The following SEMA4F variants were observed in gnomAD, a reference collection of about 807,000 sequenced individuals.
SEMA4F encodes the protein ssemaphorin 4F.
A neutral mutation model predicts 78.4 loss-of-function variants in SEMA4F; 51 were observed. That is an observed-to-expected ratio of 0.65 (90% CI 0.52 to 0.82). The LOEUF (loss-of-function observed/expected upper bound fraction) is 0.82. Ranked by LOEUF, SEMA4F falls within the 40% of genes least tolerant of loss-of-function variation. The pLI is 0.00. For synonymous variants in SEMA4F, 418 were observed against 408.7 expected (o/e 1.02, Z -0.27); for missense variants, 938 against 1,014.4 (o/e 0.92, Z 1.02).
At chr2:74,696,831 A>G in the SEMA4F span, among the ~76,000 whole-genome samples, 2 of 152,222 alleles carry the variant, frequency 1.3e-5, no homozygotes, top group African/African-American at 4.8e-5. Flanking sequence ...AGTGCATAGA[A>G]AGTGTCCTTG....
At position 74,679,727 on chromosome 2, in the gene SEMA4F, C is replaced by T. The variant is rs753127222; in HGVS notation, c.1831C>T (p.Arg611Trp). The change falls in exon 14 of 14, where the codon CGG (arginine) becomes TGG (tryptophan). Residue 611 changes from arginine to tryptophan, a missense_variant. Arg to Trp is a moderately radical substitution (Grantham distance 101). Transcript: ENST00000357877. ...TGGAGTGACTGCACTCACCCCCCGG[C>T]GGGATGGACTGGAGGTGGTGGTGAC... ...PSGVTALTPR[R>W]DGLEVVVTPG... The T allele has an allele frequency of 3.5e-5, 57 of 1,614,024 alleles. 1 individual carries two copies. In the South Asian group the frequency reaches 5.2e-4, roughly 15 times the overall value.
chr2:74,665,228 CTTTT>C (rs11348861), intron 5 of SEMA4F, among the ~76,000 whole-genome samples: 2 of 128,670 alleles, frequency 1.6e-5, no homozygotes, highest in Admixed American at 7.9e-5. Flanking sequence ...CACTCTTTTT[CTTTT>C]TTTTTTTTTT....
At chr2:74,661,982 C>T (rs1296692586) in intron 4 of SEMA4F, among the ~76,000 whole-genome samples, 3 of 152,198 alleles carry the variant, frequency 2.0e-5, no homozygotes, top group South Asian at 4.1e-4. Flanking sequence ...TATCTTGAAG[C>T]CTCTCTTAGT....
chr2:74,661,271 A>G (rs563316581), intron 4 of SEMA4F, among the ~76,000 whole-genome samples: 1 of 152,198 alleles, frequency 6.6e-6, no homozygotes, highest in Non-Finnish European at 1.5e-5. Context: ...TCATTTTGAA[A>G]AGTAGTTGAA....
In SEMA4F at chr2:74,654,365, G is replaced by A; in HGVS notation, c.-12G>A. 2 of 1,486,082 alleles carry A rather than the reference G, an allele frequency of 1.3e-6. No homozygotes were observed. Among genetic ancestry groups the A allele is most frequent in the Non-Finnish European group, 1.8e-6 (2 of 1,125,806 alleles). The allele number at this position is 1,486,082 out of a possible 1,614,324, so 92.1% of individuals were successfully genotyped here. A position where few individuals can be genotyped will look rare whatever the true frequency, so the allele number is the denominator to read the frequency against. The stretch of plus-strand genomic sequence containing the variant: ...TAGCTTGCGCCGCACCCGCGGCCAG[G>A]CGGAGCCAAAGATGCCGGCCTCTGC... On this transcript the variant is annotated 5_prime_UTR_variant, in exon 1 of 14. Transcript: ENST00000357877.
rs774943850 is a variant in SEMA4F, at chr2:74,675,859, C to T, written c.1593C>T (p.Ala531=). The stretch of plus-strand genomic sequence containing the variant: ...TCCTGGCCCAGGACCCAGTCTGTGC[C>T]TGGAGCTTCCGGCTGGATGAGTGTG... The part of the protein sequence containing the change: ...ECILAQDPVC[A]WSFRLDECVA... Residue 531 remains alanine (A), a synonymous_variant, in exon 12 of 14, where the codon GCC becomes GCT. Transcript: ENST00000357877. 3.1e-6 allele frequency: 5 copies of T among 1,614,236 alleles called. No homozygotes were observed. Among genetic ancestry groups the T allele is most frequent in the Non-Finnish European group, 4.2e-6 (5 of 1,180,036 alleles).
chr2:74,666,999 G>T (rs1433439149), intron 5 of SEMA4F, among the ~76,000 whole-genome samples: 4 of 152,056 alleles, frequency 2.6e-5, no homozygotes, highest in African/African-American at 9.7e-5. Context: ...GGAGTATTTT[G>T]AGTGTTTTCT....
the SEMA4F span, among the ~76,000 whole-genome samples, chr2:74,703,543 G>T: frequency 4.6e-5 from 7 of 152,168 alleles, no homozygotes; most frequent in Non-Finnish European, 1.0e-4. Context: ...AGCTTGTGTT[G>T]CAATGGGCCA....
chr2:74,659,987 T>C (rs953236140), intron 4 of SEMA4F, among the ~76,000 whole-genome samples: 1 of 152,218 alleles, frequency 6.6e-6, no homozygotes, highest in Non-Finnish European at 1.5e-5. Flanking sequence ...TATCCTAATT[T>C]GTTTTGTTGA....
rs1439331579 is a variant in SEMA4F at position 74,683,502 on chromosome 2, A to G, written c.*3293A>G. 6.6e-6 allele frequency: 1 copy of G among 152,214 alleles called. No individual in the cohort carries two copies. Among genetic ancestry groups the G allele is most frequent in the African/African-American group, 2.4e-5 (1 of 41,416 alleles). 9.4% of individuals were successfully genotyped at this position (152,214 alleles called of 1,614,324 possible). On this transcript the variant is annotated 3_prime_UTR_variant, in exon 14 of 14. Coordinates refer to ENST00000357877, the MANE Select transcript of SEMA4F (RefSeq NM_004263.5). ...TGATGTAGACCTATGCCCTGCTTCC[A>G]TGCCACTTCCTCAGATGTGACAGAC...
At chr2:74,654,802 C>A (rs1015454268) in intron 1 of SEMA4F, among the ~76,000 whole-genome samples, 1 of 152,224 alleles carries the variant, frequency 6.6e-6, no homozygotes, top group Non-Finnish European at 1.5e-5. Flanking sequence ...CCCGGAGCCG[C>A]AGGAGCGTCC....
At chr2:74,708,746 GA>G in the SEMA4F span, among the ~76,000 whole-genome samples, 1 of 152,202 alleles carries the variant, frequency 6.6e-6, no homozygotes, top group Non-Finnish European at 1.5e-5. Context: ...CCAATGTTGA[GA>G]TGACACAGAT....
chr2:74,674,381 C>T (rs1685149454), intron 7 of SEMA4F, 117 bp from the exon 8 acceptor site: 3 of 854,896 alleles, frequency 3.5e-6, no homozygotes, highest in Non-Finnish European at 5.5e-6. Context: ...TTGTATGTAT[C>T]TGTCTCCCCA....
chr2:74,706,324 G>C, the SEMA4F span, among the ~76,000 whole-genome samples: 1 of 152,118 alleles, frequency 6.6e-6, no homozygotes, highest in Non-Finnish European at 1.5e-5. Flanking sequence ...TATTCATACA[G>C]GTTTAAAATT....
At chr2:74,693,940 T>A in the SEMA4F span, among the ~76,000 whole-genome samples, 1 of 152,196 alleles carries the variant, frequency 6.6e-6, no homozygotes, top group East Asian at 1.9e-4. Flanking sequence ...TTTGTAGGTG[T>A]GTGGATATAC....
At chr2:74,673,348 T>A (rs1265319882) in intron 5 of SEMA4F, 109 bp from the exon 6 acceptor site, 3 of 1,341,528 alleles carry the variant, frequency 2.2e-6, no homozygotes, top group Non-Finnish European at 3.1e-6. Context: ...CTCATGGGTG[T>A]TTAGTCCCTG....
intron 4 of SEMA4F, among the ~76,000 whole-genome samples, chr2:74,660,776 A>G (rs1256772405): frequency 6.6e-6 from 1 of 152,252 alleles, no homozygotes; most frequent in Non-Finnish European, 1.5e-5. Flanking sequence ...ACTGAAAAAG[A>G]ACTAGTTTCA....
intron 12 of SEMA4F, among the ~76,000 whole-genome samples, chr2:74,677,989 T>A (rs1685386082): frequency 6.6e-6 from 1 of 152,258 alleles, no homozygotes; most frequent in Non-Finnish European, 1.5e-5. Flanking sequence ...TGCCGTCTCT[T>A]GATCAGATTC....
the SEMA4F span, among the ~76,000 whole-genome samples, chr2:74,706,583 T>C: frequency 1.3e-5 from 2 of 152,128 alleles, no homozygotes; most frequent in Non-Finnish European, 2.9e-5. Flanking sequence ...GTGGGTGCAG[T>C]GGCAAGGAGG....
Sources: allele counts gnomAD v4.1 joint callset (sites outside exome capture counted in the v4.1 genomes callset), GRCh38; gene constraint gnomAD v4.1.1; transcripts MANE v1.5; gene names NCBI Gene and HGNC (gene_info 2026-07-23, HGNC 2026-07-21).